FNDC3B: variants seen among roughly 807,000 people sequenced by gnomAD.
FNDC3B encodes fibronectin type III domain-containing protein 3B.
Under a neutral mutation model 151.5 loss-of-function variants are expected in FNDC3B, and 12 were observed. The observed-to-expected ratio is 0.08, with a 90% CI of 0.05 to 0.13. FNDC3B has a LOEUF of 0.13. FNDC3B is among the 10% of genes least tolerant of loss of function. FNDC3B has a pLI of 1.00. For synonymous variants in FNDC3B, 528 were observed against 549.0 expected (o/e 0.96, Z 0.54); for missense variants, 1,214 against 1,505.3 (o/e 0.81, Z 3.20).
chr3:172,266,301 T>C (rs1728921094), intron 6 of FNDC3B, among the ~76,000 whole-genome samples: 1 of 152,202 alleles, frequency 6.6e-6, no homozygotes, highest in South Asian at 2.1e-4. Context: ...TGTGTTTGTT[T>C]CCTGTGACTA....
At chr3:172,120,344 T>A (rs1238491948) in intron 2 of FNDC3B, among the ~76,000 whole-genome samples, 3 of 152,234 alleles carry the variant, frequency 2.0e-5, no homozygotes, top group South Asian at 4.1e-4. Context: ...AAGGTGATTT[T>A]AACATTATGA....
chr3:172,296,739 T>A (rs999468865), intron 8 of FNDC3B, among the ~76,000 whole-genome samples: 1 of 152,172 alleles, frequency 6.6e-6, no homozygotes, highest in Non-Finnish European at 1.5e-5. Flanking sequence ...ACAGATGCAA[T>A]TGACCCTTGA....
chr3:172,342,305 A>C (rs919189843), intron 17 of FNDC3B, among the ~76,000 whole-genome samples: 1 of 152,200 alleles, frequency 6.6e-6, no homozygotes, highest in African/African-American at 2.4e-5. Flanking sequence ...ATCAAAGCTG[A>C]GATTATCAGT....
chr3:172,246,846 A>G (rs1001815948), intron 4 of FNDC3B, among the ~76,000 whole-genome samples: 2 of 152,228 alleles, frequency 1.3e-5, no homozygotes, highest in South Asian at 2.1e-4. Flanking sequence ...TGCTTTTCCA[A>G]GCATCTTCTT....
chr3:172,318,266 G>A (rs537736635), intron 11 of FNDC3B, among the ~76,000 whole-genome samples: 28 of 152,326 alleles, frequency 1.8e-4, no homozygotes, highest in African/African-American at 6.0e-4. Context: ...TGCCCCTGGG[G>A]AGCCATTAGC....
At chr3:172,281,405 C>T (rs960542216) in intron 6 of FNDC3B, among the ~76,000 whole-genome samples, 6 of 152,048 alleles carry the variant, frequency 3.9e-5, no homozygotes, top group Admixed American at 1.3e-4. Context: ...CCACCACGCC[C>T]GGCTAATGCC....
intron 2 of FNDC3B, among the ~76,000 whole-genome samples, chr3:172,113,306 A>G (rs984072874): frequency 4.6e-5 from 7 of 152,226 alleles, no homozygotes; most frequent in Non-Finnish European, 7.3e-5. Flanking sequence ...TTATTTTGTG[A>G]AAAGTAGAAT....
chr3:172,290,693 C>A (rs1327700354), intron 7 of FNDC3B, among the ~76,000 whole-genome samples: 3 of 152,180 alleles, frequency 2.0e-5, no homozygotes, highest in Non-Finnish European at 4.4e-5. Flanking sequence ...AAGAAGCAAT[C>A]CCTTGAAAGA....
chr3:172,318,654 T>TG (rs894458275), intron 11 of FNDC3B, among the ~76,000 whole-genome samples: 8 of 152,256 alleles, frequency 5.3e-5, no homozygotes, highest in African/African-American at 1.7e-4. Context: ...CTCTCTAAGG[T>TG]GCCACACTGC....
At chr3:172,378,247 A>G (rs769123438) in intron 23 of FNDC3B, 23 bp from the exon 24 acceptor site, 1 of 1,554,462 alleles carries the variant, frequency 6.4e-7, no homozygotes, top group Admixed American at 2.1e-5. Context: ...CAGATGGCTA[A>G]TTGATTCTGC....
chr3:172,246,433 A>G (rs12635823), intron 4 of FNDC3B, among the ~76,000 whole-genome samples: 39,739 of 152,188 alleles, frequency 0.26, 5,344 homozygotes, highest in East Asian at 0.44. Context: ...GTACCCTACA[A>G]CTTTACCTTT....
intron 1 of FNDC3B, among the ~76,000 whole-genome samples, chr3:172,084,231 T>C (rs1226574739): frequency 6.6e-6 from 1 of 152,126 alleles, no homozygotes; most frequent in African/African-American, 2.4e-5. Context: ...GGAGGATTGC[T>C]TGAGGCCAGG....
chr3:172,304,273 C>T (rs375987454), intron 9 of FNDC3B, among the ~76,000 whole-genome samples: 12 of 152,340 alleles, frequency 7.9e-5, no homozygotes, highest in Non-Finnish European at 1.5e-4. Flanking sequence ...TAGTACTTTG[C>T]AGGCTGTTTC....
intron 25 of FNDC3B, among the ~76,000 whole-genome samples, chr3:172,392,810 C>CCTTTTTTTTTTT (rs1736078814): frequency 1.0e-5 from 1 of 99,874 alleles, no homozygotes; most frequent in African/African-American, 3.6e-5. Flanking sequence ...TTTTTTTTTT[C>CCTTTTTTTTTTT]TTTTTTTTTT....
At chr3:172,362,553 T>C (rs1237544935) in intron 22 of FNDC3B, 80 bp from the exon 23 acceptor site, 18 of 1,056,024 alleles carry the variant, frequency 1.7e-5, no homozygotes, top group Non-Finnish European at 2.5e-5. Context: ...TAATAAATAC[T>C]ATGCTCAATG....
chr3:172,176,006 A>C (rs1409071162), intron 3 of FNDC3B, among the ~76,000 whole-genome samples: 1 of 152,242 alleles, frequency 6.6e-6, no homozygotes. Context: ...GTGAAAGCTC[A>C]GCATAGGTGT....
intron 21 of FNDC3B, 67 bp downstream of exon 21, chr3:172,347,428 C>G: frequency 7.5e-7 from 1 of 1,334,954 alleles, no homozygotes; most frequent in East Asian, 2.6e-5. Flanking sequence ...TTTGGGAAAC[C>G]CACTCAAAGG....
chr3:172,135,368 C>A, intron 3 of FNDC3B, among the ~76,000 whole-genome samples: 1 of 151,936 alleles, frequency 6.6e-6, no homozygotes, highest in African/African-American at 2.4e-5. Context: ...ATAACTGGTG[C>A]ACTTTGCAGG....
At chr3:172,356,889 T>C (rs1047785217) in intron 22 of FNDC3B, among the ~76,000 whole-genome samples, 1 of 152,070 alleles carries the variant, frequency 6.6e-6, no homozygotes, top group Non-Finnish European at 1.5e-5. Flanking sequence ...GCCCTCTCAG[T>C]CTCCCTCACA....
Sources: gnomAD v4.1 joint callset for allele counts (sites outside exome capture counted in the v4.1 genomes callset) on GRCh38, gnomAD v4.1.1 for gene constraint, MANE v1.5 for transcripts, NCBI Gene and HGNC (gene_info 2026-07-23, HGNC 2026-07-21) for gene names.